KCNQ3: variants seen among roughly 807,000 people sequenced by gnomAD.
KCNQ3 encodes the protein potassium voltage-gated channel subfamily Q member 3.
KCNQ3 carries 30 observed loss-of-function variants against 92.5 expected under a neutral mutation model. That is an observed-to-expected ratio of 0.32 (90% CI 0.24 to 0.44). KCNQ3 has a LOEUF of 0.44. Ranked by LOEUF, KCNQ3 falls within the 20% of genes least tolerant of loss-of-function variation. The pLI, the probability that KCNQ3 is intolerant of heterozygous loss-of-function variation, is 1.00. For synonymous variants in KCNQ3, 450 were observed against 468.8 expected (o/e 0.96, Z 0.52); for missense variants, 913 against 1,140.3 (o/e 0.80, Z 2.87).
chr8:132,355,964 C>A (rs894472074), intron 1 of KCNQ3, among the ~76,000 whole-genome samples: 2 of 152,134 alleles, frequency 1.3e-5, no homozygotes, highest in South Asian at 2.1e-4. Flanking sequence ...ATCTTGATGC[C>A]AAGAAGTCAG....
chr8:132,443,582 C>T, intron 1 of KCNQ3, among the ~76,000 whole-genome samples: 1 of 151,304 alleles, frequency 6.6e-6, no homozygotes, highest in East Asian at 2.0e-4. Flanking sequence ...CTACCTCACT[C>T]CTCCAAACAC....
chr8:132,474,172 C>T (rs1822355056), intron 1 of KCNQ3, among the ~76,000 whole-genome samples: 1 of 152,206 alleles, frequency 6.6e-6, no homozygotes, highest in African/African-American at 2.4e-5. Flanking sequence ...AGGACAGTCA[C>T]AGTGTCAGGT....
At chr8:132,240,993 A>C (rs1221715100) in intron 1 of KCNQ3, among the ~76,000 whole-genome samples, 6 of 150,216 alleles carry the variant, frequency 4.0e-5, no homozygotes, top group African/African-American at 1.5e-4. Flanking sequence ...GGTTCCAGTG[A>C]TTCTCCTGCC....
chr8:132,356,824 T>C (rs1364569381), intron 1 of KCNQ3, among the ~76,000 whole-genome samples: 4 of 152,106 alleles, frequency 2.6e-5, no homozygotes, highest in African/African-American at 4.8e-5. Flanking sequence ...ATCTGGAAAG[T>C]AGTGAGATCC....
intron 1 of KCNQ3, among the ~76,000 whole-genome samples, chr8:132,187,522 C>T (rs1827008213): frequency 6.6e-6 from 1 of 152,208 alleles, no homozygotes; most frequent in Admixed American, 6.5e-5. Flanking sequence ...ACAAGATCCC[C>T]AACTCCTTCC....
At chr8:132,169,433 C>A (rs762124810) in intron 8 of KCNQ3, among the ~76,000 whole-genome samples, 9 of 152,190 alleles carry the variant, frequency 5.9e-5, no homozygotes, top group Non-Finnish European at 8.8e-5. Flanking sequence ...TTTTCCATAA[C>A]CATAGAAAAA....
At chr8:132,248,154 T>C (rs1401168526) in intron 1 of KCNQ3, among the ~76,000 whole-genome samples, 1 of 152,110 alleles carries the variant, frequency 6.6e-6, no homozygotes, top group African/African-American at 2.4e-5. Flanking sequence ...TATATCTGCA[T>C]GTAAGAGAAA....
chr8:132,340,466 A>G (rs1441994646), intron 1 of KCNQ3, among the ~76,000 whole-genome samples: 2 of 152,210 alleles, frequency 1.3e-5, no homozygotes, highest in Non-Finnish European at 2.9e-5. Context: ...TCGCAGGGAC[A>G]TGGATGAAGC....
rs768065334 is a variant in KCNQ3, at chr8:132,132,180, C to T, written c.1884G>A (p.Gln628=). Residue 628 remains glutamine, a splice_region_variant and synonymous_variant, in exon 14 of 15, where the codon CAG becomes CAA. Transcript: ENST00000388996. ...MMGKFVKVER[Q]VQDMGKKLDF... is the part of the protein sequence containing the mutation. Reference sequence around the variant, plus strand: ...TTGGTGAGAGGAAGAAAAGACTTACCTGTCTTTCAACTTTTACAAACTTCC... The same window carrying T: ...TTGGTGAGAGGAAGAAAAGACTTACTTGTCTTTCAACTTTTACAAACTTCC... 6 of 1,590,666 alleles carry T rather than the reference C, an allele frequency of 3.8e-6. No individual in the cohort carries two copies. In the South Asian group the frequency reaches 5.5e-5, roughly 15 times the overall value.
Position 132,128,781 on chromosome 8 carries a change from C to T in KCNQ3, c.*481G>A. On this transcript the variant is annotated 3_prime_UTR_variant, in exon 15 of 15. Transcript: ENST00000388996. Reference sequence around the variant, plus strand: ...CTCAGTAGGCAGCCCCACTGATACACAATGTGGTTTTGTTGAGAAAATTAT... The same window carrying T: ...CTCAGTAGGCAGCCCCACTGATACATAATGTGGTTTTGTTGAGAAAATTAT... The T allele has an allele frequency of 5.8e-6, 1 of 172,356 alleles. No individual in the cohort carries two copies. The highest frequency in any genetic ancestry group is 1.3e-5 in the Non-Finnish European group (1 of 78,562). 10.7% of individuals were successfully genotyped at this position (172,356 alleles called of 1,614,324 possible). A position where few individuals can be genotyped will look rare whatever the true frequency, so the allele number is the denominator to read the frequency against.
At chr8:132,192,210 G>GGCT (rs1827181818) in intron 1 of KCNQ3, among the ~76,000 whole-genome samples, 1 of 152,224 alleles carries the variant, frequency 6.6e-6, no homozygotes, top group African/African-American at 2.4e-5. Flanking sequence ...GGGGGCAGCA[G>GGCT]AGGCCCGGCG....
intron 1 of KCNQ3, among the ~76,000 whole-genome samples, chr8:132,228,320 A>G (rs1417592157): frequency 6.6e-6 from 1 of 152,192 alleles, no homozygotes; most frequent in African/African-American, 2.4e-5. Context: ...ACTGTATTAC[A>G]TTGAATAACT....
At chr8:132,287,922 G>A (rs922552075) in intron 1 of KCNQ3, among the ~76,000 whole-genome samples, 6 of 152,118 alleles carry the variant, frequency 3.9e-5, no homozygotes, top group Admixed American at 2.6e-4. Flanking sequence ...CTATAAAATG[G>A]TGAATTTTAT....
intron 1 of KCNQ3, among the ~76,000 whole-genome samples, chr8:132,448,160 G>A (rs1217479413): frequency 1.3e-5 from 2 of 152,172 alleles, no homozygotes; most frequent in South Asian, 2.1e-4. Flanking sequence ...TGTAGCAGCT[G>A]TCATGCCATC....
chr8:132,284,749 T>G (rs1317194865), intron 1 of KCNQ3, among the ~76,000 whole-genome samples: 1 of 152,252 alleles, frequency 6.6e-6, no homozygotes, highest in Non-Finnish European at 1.5e-5. Flanking sequence ...AAAACTCATG[T>G]CAAAATTTAA....
chr8:132,253,634 G>A (rs7009148), intron 1 of KCNQ3, among the ~76,000 whole-genome samples: 12,808 of 152,232 alleles, frequency 0.084, 626 homozygotes, highest in South Asian at 0.14. Flanking sequence ...GTTTTCCTCT[G>A]CTTTATACAT....
At chr8:132,330,836 G>A (rs1013405528) in intron 1 of KCNQ3, among the ~76,000 whole-genome samples, 2 of 152,174 alleles carry the variant, frequency 1.3e-5, no homozygotes, top group Non-Finnish European at 2.9e-5. Flanking sequence ...GGCCACACTG[G>A]GCAGTCTGTC....
chr8:132,379,028 T>G (rs910480646), intron 1 of KCNQ3, among the ~76,000 whole-genome samples: 3 of 152,192 alleles, frequency 2.0e-5, no homozygotes, highest in Non-Finnish European at 4.4e-5. Flanking sequence ...AAGCCAGGAC[T>G]TCTTGTTCTA....
At chr8:132,299,262 T>C (rs1193526810) in intron 1 of KCNQ3, among the ~76,000 whole-genome samples, 5 of 152,084 alleles carry the variant, frequency 3.3e-5, no homozygotes, top group Admixed American at 3.3e-4. Context: ...TCTTACATAT[T>C]CTTCCAGACA....
Sources: gnomAD v4.1 joint callset for allele counts (sites outside exome capture counted in the v4.1 genomes callset) on GRCh38, gnomAD v4.1.1 for gene constraint, MANE v1.5 for transcripts, NCBI Gene and HGNC (gene_info 2026-07-23, HGNC 2026-07-21) for gene names.